NEGR1: variants seen among roughly 807,000 people sequenced by gnomAD.
NEGR1 encodes the protein IgLON family member 4.
A neutral mutation model predicts 40.9 loss-of-function variants in NEGR1; 10 were observed. The ratio of observed to expected loss-of-function variants is 0.24; its 90% confidence interval spans 0.15 to 0.42. The LOEUF (loss-of-function observed/expected upper bound fraction) is 0.42, where lower values mean the gene tolerates loss of function less well. Ranked by LOEUF, NEGR1 falls within the 10% of genes least tolerant of loss-of-function variation. The pLI is 1.00. For synonymous variants in NEGR1, 185 were observed against 166.8 expected, an observed-to-expected ratio of 1.11 and a Z score of -0.84; for missense variants, 352 against 438.9, an observed-to-expected ratio of 0.80 and a Z score of 1.77.
At chr1:71,869,703 A>G (rs1449117598) in intron 2 of NEGR1, among the ~76,000 whole-genome samples, 2 of 152,158 alleles carry the variant, frequency 1.3e-5, no homozygotes, top group African/African-American at 4.8e-5. Context: ...TATGGAGTAT[A>G]TATTCAAGTC....
intron 6 of NEGR1, among the ~76,000 whole-genome samples, chr1:71,440,381 A>G (rs1308420750): frequency 3.9e-5 from 6 of 152,204 alleles, no homozygotes; most frequent in African/African-American, 1.4e-4. Flanking sequence ...AGTAATTGCT[A>G]TTTGATGAAT....
At chr1:72,119,392 C>T (rs1430659248) in intron 1 of NEGR1, among the ~76,000 whole-genome samples, 1 of 151,424 alleles carries the variant, frequency 6.6e-6, no homozygotes, top group African/African-American at 2.4e-5. Flanking sequence ...CTGTATGAGA[C>T]AAAACTGGAA....
chr1:71,881,301 G>A (rs1422905607), intron 2 of NEGR1, among the ~76,000 whole-genome samples: 3 of 152,046 alleles, frequency 2.0e-5, no homozygotes, highest in South Asian at 2.1e-4. Context: ...TCTCTGCTTC[G>A]TAGCAAATTC....
chr1:72,158,485 A>G (rs1035717492), intron 1 of NEGR1, among the ~76,000 whole-genome samples: 9 of 152,126 alleles, frequency 5.9e-5, no homozygotes, highest in African/African-American at 2.2e-4. Context: ...CATGTGACAC[A>G]GTGGCCCAAC....
At chr1:71,541,700 G>A (rs2101457901) in intron 6 of NEGR1, among the ~76,000 whole-genome samples, 1 of 151,876 alleles carries the variant, frequency 6.6e-6, no homozygotes, top group Admixed American at 6.6e-5. Flanking sequence ...AGTTGTCTCA[G>A]CGCTGTACTT....
At chr1:72,014,455 T>C (rs1222156372) in intron 1 of NEGR1, among the ~76,000 whole-genome samples, 5 of 152,034 alleles carry the variant, frequency 3.3e-5, no homozygotes, top group Non-Finnish European at 7.4e-5. Context: ...CTTTCTTAGA[T>C]ACTTAATGTA....
chr1:71,614,758 G>T (rs12032545), intron 4 of NEGR1, among the ~76,000 whole-genome samples: 2 of 152,050 alleles, frequency 1.3e-5, no homozygotes, highest in African/African-American at 2.4e-5. Flanking sequence ...CCTGAAAACC[G>T]GAACATTGCC....
chr1:71,663,996 G>T (rs933244816), intron 4 of NEGR1, among the ~76,000 whole-genome samples: 3 of 152,112 alleles, frequency 2.0e-5, no homozygotes, highest in African/African-American at 7.2e-5. Context: ...ATTTCCATAC[G>T]TGCTGGGATC....
intron 4 of NEGR1, among the ~76,000 whole-genome samples, chr1:71,628,998 C>A (rs923579325): frequency 5.3e-5 from 8 of 152,094 alleles, no homozygotes; most frequent in African/African-American, 9.7e-5. Flanking sequence ...ACACTGTCTT[C>A]CACAATGGTT....
At chr1:72,089,444 A>G (rs527565094) in intron 1 of NEGR1, among the ~76,000 whole-genome samples, 1 of 152,330 alleles carries the variant, frequency 6.6e-6, no homozygotes. Flanking sequence ...CTATTACCAC[A>G]AAGCTTATGT....
chr1:71,999,648 T>TATATAC lies in NEGR1; in HGVS notation c.177-64338_177-64337insGTATAT, dbSNP rs1216202844. ...AGCAAAGCAAATATATATATATATA[T>TATATAC]ATATATATATATATATATATATATA... is the stretch of plus-strand genomic sequence containing the variant. On this transcript the variant is annotated intron_variant, in intron 1 of 6. Coordinates refer to ENST00000357731, the MANE Select transcript of NEGR1 (RefSeq NM_173808.3). Among the ~76,000 whole-genome samples, 12 of 43,286 alleles carry TATATAC rather than the reference T, an allele frequency of 2.8e-4. 1 individual carries two copies. The highest frequency in any genetic ancestry group is 4.3e-4 in the Non-Finnish European group (8 of 18,784). 28.4% of individuals were successfully genotyped at this position (43,286 alleles called of 152,430 possible).
intron 4 of NEGR1, among the ~76,000 whole-genome samples, chr1:71,679,155 A>G (rs1223654972): frequency 6.6e-6 from 1 of 152,126 alleles, no homozygotes; most frequent in Non-Finnish European, 1.5e-5. Flanking sequence ...CTAACATCAC[A>G]TTGTATAATT....
chr1:72,252,760 T>C (rs1038214181), intron 1 of NEGR1, among the ~76,000 whole-genome samples: 3 of 152,244 alleles, frequency 2.0e-5, no homozygotes, highest in Admixed American at 1.3e-4. Flanking sequence ...CCATGTCCAT[T>C]TGGGGGTACA....
At chr1:72,092,451 T>A (rs1249700232) in intron 1 of NEGR1, among the ~76,000 whole-genome samples, 1 of 151,684 alleles carries the variant, frequency 6.6e-6, no homozygotes, top group East Asian at 1.9e-4. Flanking sequence ...ATTTATTGAC[T>A]TTTTTTTCTG....
chr1:71,408,749 T>C (rs1473868292), intron 6 of NEGR1: 3 of 152,054 alleles, frequency 2.0e-5, no homozygotes, highest in Non-Finnish European at 4.4e-5. Flanking sequence ...CAAGCACTAT[T>C]TCCTAGTAGA....
intron 4 of NEGR1, among the ~76,000 whole-genome samples, chr1:71,628,356 T>C (rs1279563471): frequency 6.6e-6 from 1 of 152,018 alleles, no homozygotes. Flanking sequence ...ACACAATAAA[T>C]GAATGCATTA....
intron 1 of NEGR1, among the ~76,000 whole-genome samples, chr1:71,957,800 C>T (rs1646131274): frequency 1.3e-5 from 2 of 152,260 alleles, no homozygotes; most frequent in South Asian, 4.2e-4. Flanking sequence ...CAGAATTAAG[C>T]CCAAAGGCAT....
chr1:71,958,951 CAAAA>C (rs10598895), intron 1 of NEGR1, among the ~76,000 whole-genome samples: 11 of 119,428 alleles, frequency 9.2e-5, no homozygotes, highest in Admixed American at 1.8e-4. Flanking sequence ...CATCTCATCT[CAAAA>C]AAAAAAAAAA....
intron 3 of NEGR1, among the ~76,000 whole-genome samples, chr1:71,748,664 CT>C (rs1557637680): frequency 6.6e-6 from 1 of 152,024 alleles, no homozygotes; most frequent in Non-Finnish European, 1.5e-5. Flanking sequence ...AAATTTATTT[CT>C]GCCTTTTAAA....
Sources: gnomAD v4.1 joint callset for allele counts (sites outside exome capture counted in the v4.1 genomes callset) on GRCh38, gnomAD v4.1.1 for gene constraint, MANE v1.5 for transcripts, NCBI Gene and HGNC (gene_info 2026-07-23, HGNC 2026-07-21) for gene names.